SNTB1: variants seen among roughly 807,000 people sequenced by gnomAD.
SNTB1 encodes the protein beta-1-syntrophin.
Under a neutral mutation model 48.9 loss-of-function variants are expected in SNTB1, and 36 were observed. The ratio of observed to expected loss-of-function variants is 0.74; its 90% confidence interval spans 0.56 to 0.97. SNTB1 has a LOEUF of 0.97. Among genes scored for constraint, SNTB1 ranks in the 50% least tolerant of loss-of-function variants. SNTB1 has a pLI of 0.00. For missense variants in SNTB1, 786 were observed against 703.4 expected (o/e 1.12, Z -1.33); for synonymous variants, 299 against 294.6 (o/e 1.01, Z -0.15).
intron 1 of SNTB1, among the ~76,000 whole-genome samples, chr8:120,789,164 A>G (rs1276287474): frequency 6.6e-6 from 1 of 152,072 alleles, no homozygotes; most frequent in African/African-American, 2.4e-5. Context: ...AACGAAATAA[A>G]GATGAAAATT....
At chr8:120,693,995 T>C (rs1818169985) in intron 1 of SNTB1, 87 bp from the exon 2 acceptor site, 1 of 1,033,968 alleles carries the variant, frequency 9.7e-7, no homozygotes, top group Non-Finnish European at 1.5e-6. Flanking sequence ...TAGACTTGCT[T>C]TGGATAAGCT....
chr8:120,585,984 C>T (rs1215524033), intron 3 of SNTB1, among the ~76,000 whole-genome samples: 1 of 152,206 alleles, frequency 6.6e-6, no homozygotes, highest in Non-Finnish European at 1.5e-5. Flanking sequence ...GGCTCTTGAC[C>T]TTTCCAGCTC....
intron 3 of SNTB1, among the ~76,000 whole-genome samples, chr8:120,615,773 C>T (rs374550175): frequency 1.3e-5 from 2 of 152,298 alleles, no homozygotes; most frequent in South Asian, 2.1e-4. Flanking sequence ...AAAAAGATTA[C>T]AGCATGTCTT....
chr8:120,540,526 T>C (rs1329526753), intron 6 of SNTB1, among the ~76,000 whole-genome samples: 1 of 152,120 alleles, frequency 6.6e-6, no homozygotes, highest in Non-Finnish European at 1.5e-5. Context: ...TGCTAGAGAG[T>C]AGTCACCTTT....
chr8:120,688,431 T>C (rs1333659414), intron 2 of SNTB1, among the ~76,000 whole-genome samples: 1 of 152,190 alleles, frequency 6.6e-6, no homozygotes, highest in African/African-American at 2.4e-5. Context: ...ATACTATTTA[T>C]CATTTATGAA....
intron 2 of SNTB1, among the ~76,000 whole-genome samples, chr8:120,633,513 G>A (rs1237665294): frequency 5.9e-5 from 9 of 152,148 alleles, no homozygotes; most frequent in Non-Finnish European, 4.4e-5. Flanking sequence ...GCTGAGACTG[G>A]AGAATTGCTT....
At chr8:120,681,670 A>G (rs1340189131) in intron 2 of SNTB1, among the ~76,000 whole-genome samples, 1 of 152,194 alleles carries the variant, frequency 6.6e-6, no homozygotes, top group Non-Finnish European at 1.5e-5. Flanking sequence ...AGACCCAGGT[A>G]AAGCTTCTAA....
intron 1 of SNTB1, among the ~76,000 whole-genome samples, chr8:120,717,391 A>G (rs966011022): frequency 7.2e-5 from 11 of 152,240 alleles, no homozygotes; most frequent in African/African-American, 2.7e-4. Flanking sequence ...AGCCCTTTGC[A>G]GAGAGACAGC....
At chr8:120,807,442 T>C in intron 1 of SNTB1, among the ~76,000 whole-genome samples, 1 of 152,342 alleles carries the variant, frequency 6.6e-6, no homozygotes, top group African/African-American at 2.4e-5. Flanking sequence ...TCCCTGCCCC[T>C]ACTCCTTAAA....
At chr8:120,724,901 C>T (rs1275813497) in intron 1 of SNTB1, among the ~76,000 whole-genome samples, 1 of 152,142 alleles carries the variant, frequency 6.6e-6, no homozygotes, top group Non-Finnish European at 1.5e-5. Context: ...GGTGGAGATG[C>T]AGGGTAGGGG....
At chr8:120,589,064 T>C (rs1463665955) in intron 3 of SNTB1, among the ~76,000 whole-genome samples, 1 of 152,238 alleles carries the variant, frequency 6.6e-6, no homozygotes, top group Non-Finnish European at 1.5e-5. Context: ...AAATAGATTC[T>C]TGAATCCCTG....
At chr8:120,593,127 A>C (rs1314101568) in intron 3 of SNTB1, among the ~76,000 whole-genome samples, 1 of 152,236 alleles carries the variant, frequency 6.6e-6, no homozygotes, top group African/African-American at 2.4e-5. Context: ...CTTAAAAAAA[A>C]ATCAGTTGTA....
intron 3 of SNTB1, among the ~76,000 whole-genome samples, chr8:120,621,234 A>G (rs1816789799): frequency 6.6e-6 from 1 of 152,222 alleles, no homozygotes; most frequent in African/African-American, 2.4e-5. Flanking sequence ...TTCTGGGATT[A>G]TAGGCGTGAG....
At chr8:120,668,432 T>A (rs1162857837) in intron 2 of SNTB1, among the ~76,000 whole-genome samples, 1 of 152,268 alleles carries the variant, frequency 6.6e-6, no homozygotes, top group Non-Finnish European at 1.5e-5. Context: ...CTTTTTCAGA[T>A]AAATCTTTAA....
chr8:120,588,075 G>GA (rs201128248), intron 3 of SNTB1, among the ~76,000 whole-genome samples: 39 of 150,854 alleles, frequency 2.6e-4, no homozygotes, highest in South Asian at 1.7e-3. Context: ...GGCTCTTTGG[G>GA]AAAAAAAAAT....
chr8:120,677,683 G>A (rs1817860541), intron 2 of SNTB1, among the ~76,000 whole-genome samples: 1 of 151,984 alleles, frequency 6.6e-6, no homozygotes, highest in African/African-American at 2.4e-5. Context: ...GCATTAGGCA[G>A]ATGTCAACTT....
chr8:120,582,144 C>G (rs7824846), intron 3 of SNTB1, among the ~76,000 whole-genome samples: 31,065 of 152,136 alleles, frequency 0.2, 3,277 homozygotes, highest in Middle Eastern at 0.3. Flanking sequence ...GGCATTAAAT[C>G]TAGTTTCGAT....
chr8:120,620,886 CTCCCTTACCTCCA>C (rs1393635600), intron 3 of SNTB1, among the ~76,000 whole-genome samples: 2 of 150,170 alleles, frequency 1.3e-5, no homozygotes, highest in South Asian at 2.1e-4. Flanking sequence ...CCCTCCCTCC[CTCCCTTACCTCCA>C]TCCTTCCCTC....
chr8:120,714,120 A>C (rs1022330186), intron 1 of SNTB1, among the ~76,000 whole-genome samples: 6 of 152,208 alleles, frequency 3.9e-5, no homozygotes, highest in Non-Finnish European at 5.9e-5. Flanking sequence ...TGTTTGGTCA[A>C]GCTGAGTTGG....
Sources: allele counts gnomAD v4.1 joint callset (sites outside exome capture counted in the v4.1 genomes callset), GRCh38; gene constraint gnomAD v4.1.1; transcripts MANE v1.5; gene names NCBI Gene and HGNC (gene_info 2026-07-23, HGNC 2026-07-21).